The following ERI1 variants were observed in gnomAD, a reference collection of about 807,000 sequenced individuals.
ERI1 encodes the protein exoribonuclease 1, also known as 3'-5' exoribonuclease 1.
In ERI1, 39 loss-of-function variants were observed where a neutral mutation model predicts 39.7. That is an observed-to-expected ratio of 0.98 (90% confidence interval 0.76 to 1.28). The LOEUF is 1.28. Ranked by LOEUF, ERI1 falls within the 50% of genes most tolerant of loss-of-function variation. The pLI, the probability that ERI1 is intolerant of heterozygous loss-of-function variation, is 0.00. For synonymous variants in ERI1, 204 were observed against 149.6 expected (o/e 1.36, Z -2.65); for missense variants, 581 against 416.9 (o/e 1.39, Z -3.43).
chr8:9,086,098 A>T (rs1295664558), intron 3 of ERI1, among the ~76,000 whole-genome samples: 1 of 152,118 alleles, frequency 6.6e-6, no homozygotes. Context: ...AGACTGCGGC[A>T]TTTACCATGA....
intron 3 of ERI1, 74 bp downstream of exon 3, chr8:9,011,826 C>A: frequency 1.8e-6 from 2 of 1,139,864 alleles, no homozygotes; most frequent in Non-Finnish European, 2.4e-6. Flanking sequence ...TGTGGAGGAC[C>A]TCATTTGCTT....
chr8:9,037,913 G>T (rs1398534671), downstream of ERI1, among the ~76,000 whole-genome samples: 1 of 142,280 alleles, frequency 7.0e-6, no homozygotes, highest in Non-Finnish European at 1.5e-5. Context: ...AAAAAAATCT[G>T]CTCCAAGTAT....
intron 3 of ERI1, among the ~76,000 whole-genome samples, chr8:9,078,864 A>G (rs1799287234): frequency 6.6e-6 from 1 of 152,144 alleles, no homozygotes; most frequent in African/African-American, 2.4e-5. Context: ...CAGAGACTAC[A>G]GGGGCATTAT....
At chr8:9,078,124 G>A (rs771943501) in intron 3 of ERI1, among the ~76,000 whole-genome samples, 1 of 152,120 alleles carries the variant, frequency 6.6e-6, no homozygotes, top group Non-Finnish European at 1.5e-5. Flanking sequence ...CGAGTAGCTG[G>A]GACGACATGC....
chr8:9,027,136 GGTGTGTGTGTGTATGT>G (rs1378202542), intron 6 of ERI1, among the ~76,000 whole-genome samples: 93 of 137,598 alleles, frequency 6.8e-4, no homozygotes, highest in African/African-American at 2.2e-3. Context: ...GTTATTTTCT[GGTGTGTGTGTGTATGT>G]GTGTGTGTGT....
Position 9,014,299 on chromosome 8 carries a change from T to C in ERI1, c.499-2023T>C, listed in dbSNP as rs28558351. ...TCTTGCTGGCTGATGTTTTTCTCCT[T>C]CTCTCCCTCCCTCCCGTTTTTCCTT... On this transcript the variant is annotated intron_variant, in intron 3 of 6. Transcript: ENST00000250263. Among the ~76,000 whole-genome samples, 1,124 of 152,320 alleles carry C rather than the reference T, an allele frequency of 7.4e-3. 14 individuals carry two copies. The highest frequency in any genetic ancestry group is 0.026 in the African/African-American group (1,078 of 41,566).
chr8:9,085,557 A>G (rs1057479649), intron 3 of ERI1, among the ~76,000 whole-genome samples: 5 of 151,476 alleles, frequency 3.3e-5, no homozygotes, highest in Non-Finnish European at 2.9e-5. Flanking sequence ...AGCCACACTC[A>G]TTCATTTATG....
At chr8:9,027,661 G>T (rs990304019) in intron 6 of ERI1, among the ~76,000 whole-genome samples, 2 of 152,128 alleles carry the variant, frequency 1.3e-5, no homozygotes, top group African/African-American at 4.8e-5. Flanking sequence ...GTTATATGGT[G>T]TAAGGTAAGG....
At chr8:9,074,227 C>T (rs896655873) in intron 3 of ERI1, among the ~76,000 whole-genome samples, 1 of 151,974 alleles carries the variant, frequency 6.6e-6, no homozygotes, top group Non-Finnish European at 1.5e-5. Context: ...TCTCCTGCCT[C>T]AGCTTCCCGA....
intron 3 of ERI1, among the ~76,000 whole-genome samples, chr8:9,041,488 T>A (rs1034579181): frequency 6.6e-6 from 1 of 152,174 alleles, no homozygotes; most frequent in African/African-American, 2.4e-5. Context: ...ATCAAACATC[T>A]TATCTGACTA....
chr8:9,009,139 G>T, intron 2 of ERI1: 2 of 454,472 alleles, frequency 4.4e-6, no homozygotes, highest in Non-Finnish European at 8.8e-6. Flanking sequence ...CGATCTAGAT[G>T]TATGTTTATA....
intron 5 of ERI1, among the ~76,000 whole-genome samples, chr8:9,019,132 A>G (rs1186041281): frequency 1.3e-5 from 2 of 152,198 alleles, no homozygotes; most frequent in Non-Finnish European, 2.9e-5. Flanking sequence ...CCCAAAAAGC[A>G]TTTGTTAAAT....
intron 3 of ERI1, among the ~76,000 whole-genome samples, chr8:9,060,580 C>G (rs1384033588): frequency 1.3e-5 from 2 of 152,096 alleles, no homozygotes; most frequent in Admixed American, 1.3e-4. Flanking sequence ...TTGTAACCTA[C>G]ATGGAAGAGG....
Position 9,064,615 on chromosome 8 carries a change from T to G in ERI1, n.299+44151T>G, listed in dbSNP as rs1212961029. Among the ~76,000 whole-genome samples, 3 of 151,470 alleles carry G rather than the reference T, an allele frequency of 2.0e-5. No individual in the cohort carries two copies. In the East Asian group the frequency reaches 5.8e-4, roughly 29 times the overall value. On this transcript the variant is annotated intron_variant and non_coding_transcript_variant, in intron 3 of 3. Transcript: ENST00000518663. Reference sequence around the variant, plus strand: ...AGTGGTTGAGGGATAGTGAGAGAGGTTGGAGAAGAGAGTAAGAAGAGGCTG... The same window carrying G: ...AGTGGTTGAGGGATAGTGAGAGAGGGTGGAGAAGAGAGTAAGAAGAGGCTG...
At chr8:9,037,339 T>C (rs1430539719), downstream of ERI1, among the ~76,000 whole-genome samples, 1 of 152,188 alleles carries the variant, frequency 6.6e-6, no homozygotes, top group Non-Finnish European at 1.5e-5. Context: ...AGTCTTATTC[T>C]CTTGATTCTG....
At chr8:9,073,709 T>C (rs142409795) in intron 3 of ERI1, among the ~76,000 whole-genome samples, 181 of 152,338 alleles carry the variant, frequency 1.2e-3, no homozygotes, top group African/African-American at 4.2e-3. Flanking sequence ...AATTATATTC[T>C]TCTGATATTA....
intron 1 of ERI1, among the ~76,000 whole-genome samples, chr8:9,005,539 G>T (rs1394334512): frequency 2.0e-5 from 3 of 147,714 alleles, no homozygotes; most frequent in Non-Finnish European, 3.0e-5. Context: ...TTTTGAGAGG[G>T]AGTCTCTCTC....
intron 3 of ERI1, among the ~76,000 whole-genome samples, chr8:9,064,995 G>T (rs937610045): frequency 5.9e-5 from 9 of 152,168 alleles, no homozygotes; most frequent in African/African-American, 2.2e-4. Flanking sequence ...GTCACAAGGT[G>T]CTCAGTAGGG....
chr8:9,064,836 T>G (rs574145223), intron 3 of ERI1, among the ~76,000 whole-genome samples: 3 of 152,118 alleles, frequency 2.0e-5, no homozygotes, highest in East Asian at 1.9e-4. Context: ...AGGCTTTGTG[T>G]GAGCAACAGG....
Sources: gnomAD v4.1 joint callset for allele counts (sites outside exome capture counted in the v4.1 genomes callset) on GRCh38, gnomAD v4.1.1 for gene constraint, MANE v1.5 for transcripts, NCBI Gene and HGNC (gene_info 2026-07-23, HGNC 2026-07-21) for gene names.